Variants in PGCKA1 observed in about 807,000 individuals in gnomAD.
PGCKA1 encodes PDCD10 and GCKIII kinases-associated protein 1.
the PGCKA1 span, among the ~76,000 whole-genome samples, chr4:37,586,088 C>A: frequency 0.01 from 1,567 of 151,728 alleles, 87 homozygotes; most frequent in Admixed American, 0.091. Flanking sequence ...GGTTAAGACA[C>A]CCCTGGTCTA....
chr4:37,590,758 G>C, the PGCKA1 span: 1 of 1,613,932 alleles, frequency 6.2e-7, no homozygotes, highest in South Asian at 1.1e-5. Context: ...GCCCTTCTCT[G>C]TGAGGAGAAG....
chr4:37,587,006 G>A, the PGCKA1 span, among the ~76,000 whole-genome samples: 1 of 152,022 alleles, frequency 6.6e-6, no homozygotes, highest in Non-Finnish European at 1.5e-5. Context: ...GCTTGATCCA[G>A]GGGTGGGTAT....
the PGCKA1 span, among the ~76,000 whole-genome samples, chr4:37,582,701 T>C: frequency 6.6e-6 from 1 of 152,266 alleles, no homozygotes; most frequent in Non-Finnish European, 1.5e-5. Context: ...GTGCATCCTA[T>C]CAGGAGCCAC....
At chr4:37,570,413 T>A in the PGCKA1 span, among the ~76,000 whole-genome samples, 1 of 117,820 alleles carries the variant, frequency 8.5e-6, no homozygotes, top group African/African-American at 3.4e-5. Context: ...CCCAAAAGAG[T>A]AGGAAATGTT....
At chr4:37,522,353 C>T in the PGCKA1 span, among the ~76,000 whole-genome samples, 1 of 152,104 alleles carries the variant, frequency 6.6e-6, no homozygotes, top group African/African-American at 2.4e-5. Context: ...CACCCCATAG[C>T]CACCACCATC....
the PGCKA1 span, among the ~76,000 whole-genome samples, chr4:37,465,463 A>G: frequency 6.6e-6 from 1 of 152,092 alleles, no homozygotes; most frequent in East Asian, 1.9e-4. Context: ...GTGGACTCTT[A>G]CCCGGCAAAG....
the PGCKA1 span, among the ~76,000 whole-genome samples, chr4:37,505,995 C>T: frequency 6.6e-6 from 1 of 152,152 alleles, no homozygotes; most frequent in Non-Finnish European, 1.5e-5. Flanking sequence ...TTTTGGATTT[C>T]TTCATGGCTT....
At chr4:37,478,394 G>A in the PGCKA1 span, among the ~76,000 whole-genome samples, 2 of 152,074 alleles carry the variant, frequency 1.3e-5, no homozygotes, top group African/African-American at 2.4e-5. Flanking sequence ...GGCTCTTAAT[G>A]TAGGTCTGAC....
the PGCKA1 span, among the ~76,000 whole-genome samples, chr4:37,493,229 C>T: frequency 6.6e-6 from 1 of 152,158 alleles, no homozygotes; most frequent in Non-Finnish European, 1.5e-5. Flanking sequence ...CACCAAGACA[C>T]ATTTAAATAG....
chr4:37,461,320 A>G, the PGCKA1 span, among the ~76,000 whole-genome samples: 1 of 152,018 alleles, frequency 6.6e-6, no homozygotes, highest in Admixed American at 6.5e-5. Context: ...GTTCCATATT[A>G]ATTTTAAATT....
At chr4:37,588,675 G>T in the PGCKA1 span, 1 of 565,720 alleles carries the variant, frequency 1.8e-6, no homozygotes, top group Non-Finnish European at 3.2e-6. Flanking sequence ...GATGGAAATG[G>T]GGTATTCCTG....
chr4:37,586,887 G>A, the PGCKA1 span, among the ~76,000 whole-genome samples: 3 of 152,210 alleles, frequency 2.0e-5, no homozygotes, highest in Non-Finnish European at 4.4e-5. Context: ...TCCAGCCTGG[G>A]CAACAGAGTG....
chr4:37,562,618 C>A, the PGCKA1 span, among the ~76,000 whole-genome samples: 1 of 152,224 alleles, frequency 6.6e-6, no homozygotes. Context: ...TGGAAATCTA[C>A]CAGAACCACT....
the PGCKA1 span, among the ~76,000 whole-genome samples, chr4:37,523,337 G>A: frequency 6.6e-6 from 1 of 151,990 alleles, no homozygotes; most frequent in Non-Finnish European, 1.5e-5. Flanking sequence ...TCTGCACCAC[G>A]CTGCCATTGC....
the PGCKA1 span, among the ~76,000 whole-genome samples, chr4:37,593,294 T>A: frequency 6.6e-6 from 1 of 152,204 alleles, no homozygotes; most frequent in Admixed American, 6.5e-5. Flanking sequence ...CTGGAGTTAG[T>A]GATCCAGGGT....
At chr4:37,525,315 T>C in the PGCKA1 span, among the ~76,000 whole-genome samples, 1 of 152,160 alleles carries the variant, frequency 6.6e-6, no homozygotes, top group Non-Finnish European at 1.5e-5. Flanking sequence ...AGGGCCAAAA[T>C]TGCACTTAAC....
the PGCKA1 span, among the ~76,000 whole-genome samples, chr4:37,502,165 A>G: frequency 6.6e-6 from 1 of 152,206 alleles, no homozygotes; most frequent in Non-Finnish European, 1.5e-5. Flanking sequence ...AGCCTTTCAT[A>G]GGGTGATGGC....
the PGCKA1 span, among the ~76,000 whole-genome samples, chr4:37,543,934 C>T: frequency 6.6e-6 from 1 of 152,174 alleles, no homozygotes; most frequent in Non-Finnish European, 1.5e-5. Context: ...GATCTCCCAT[C>T]ACCATCATCC....
the PGCKA1 span, among the ~76,000 whole-genome samples, chr4:37,496,584 G>A: frequency 7.2e-5 from 11 of 152,214 alleles, no homozygotes; most frequent in East Asian, 1.4e-3. Context: ...TTGGCCATTT[G>A]GGCTCTTTTT....
Sources: allele counts gnomAD v4.1 joint callset (sites outside exome capture counted in the v4.1 genomes callset), GRCh38; gene constraint gnomAD v4.1.1; transcripts MANE v1.5; gene names NCBI Gene and HGNC (gene_info 2026-07-23, HGNC 2026-07-21).